Variants in NRG3 observed in about 807,000 individuals in gnomAD.
The protein encoded by NRG3 is pro-neuregulin-3, membrane-bound isoform.
In NRG3, 31 loss-of-function variants were observed where a neutral mutation model predicts 66.9. The ratio of observed to expected loss-of-function variants is 0.46; its 90% CI spans 0.35 to 0.63. The LOEUF is 0.63. Among genes scored for constraint, NRG3 ranks in the 20% least tolerant of loss-of-function variants. The pLI is 0.00. For missense variants in NRG3, 910 were observed against 878.9 expected, an observed-to-expected ratio of 1.04 and a Z score of -0.45; for synonymous variants, 393 against 359.4, an observed-to-expected ratio of 1.09 and a Z score of -1.06.
At chr10:82,266,830 A>G (rs1343510534) in intron 1 of NRG3, among the ~76,000 whole-genome samples, 1 of 152,202 alleles carries the variant, frequency 6.6e-6, no homozygotes, top group Non-Finnish European at 1.5e-5. Context: ...CAGTTTTGCT[A>G]AGCCATCTCA....
At position 82,973,172 on chromosome 10, in the gene NRG3, T is replaced by C. The variant is rs571888174; in HGVS notation, c.1285-616T>C. Among the ~76,000 whole-genome samples, 5 of 152,306 alleles carry C rather than the reference T, an allele frequency of 3.3e-5. No individual in the cohort carries two copies. The East Asian group carries it at 7.7e-4, about 24-fold the overall frequency. On this transcript the variant is annotated intron_variant, in intron 6 of 8. Transcript: ENST00000372141. ...GGGTAAAATTTTTCTGAAGTTGTCA[T>C]CTACATAAGCCTTCTTTAGGCTTCT...
chr10:82,818,186 G>A (rs1473336169), intron 3 of NRG3, among the ~76,000 whole-genome samples: 1 of 152,202 alleles, frequency 6.6e-6, no homozygotes, highest in Non-Finnish European at 1.5e-5. Flanking sequence ...GCCATGTGAA[G>A]GGGTGGTAAC....
intron 2 of NRG3, among the ~76,000 whole-genome samples, chr10:82,515,168 G>GT (rs1845537835): frequency 6.6e-6 from 1 of 152,074 alleles, no homozygotes; most frequent in South Asian, 2.1e-4. Context: ...ACTATATGAT[G>GT]TAAGTTTCCA....
At chr10:82,944,397 G>T (rs1024722260) in intron 4 of NRG3, among the ~76,000 whole-genome samples, 1 of 152,048 alleles carries the variant, frequency 6.6e-6, no homozygotes, top group African/African-American at 2.4e-5. Flanking sequence ...ATTATTATAC[G>T]CAAGTCATGC....
rs551546357 is a variant in NRG3 at position 82,871,360 on chromosome 10, G to A, written c.1054+5923G>A. ...TAAGTATTGAAGTAAAGTGGGGTCC[G>A]TCTTTCAACTTTGTCTTTTAATGTT... On this transcript the variant is annotated intron_variant, in intron 4 of 8. Transcript: ENST00000372141. Among the ~76,000 whole-genome samples, 13 of 151,602 alleles carry A rather than the reference G, an allele frequency of 8.6e-5. No homozygotes were observed. In the South Asian group the frequency reaches 1.0e-3, roughly 12 times the overall value.
intron 2 of NRG3, among the ~76,000 whole-genome samples, chr10:82,719,675 G>A (rs1233467474): frequency 6.6e-6 from 1 of 152,190 alleles, no homozygotes; most frequent in Non-Finnish European, 1.5e-5. Flanking sequence ...TTTAGTCTCT[G>A]TGACTCAGAC....
chr10:82,144,087 A>G (rs1315646817), intron 1 of NRG3, among the ~76,000 whole-genome samples: 1 of 151,822 alleles, frequency 6.6e-6, no homozygotes, highest in African/African-American at 2.4e-5. Context: ...ATTTACTTGG[A>G]AGCATTCTTG....
At chr10:82,182,075 A>ATT (rs200080280) in intron 1 of NRG3, among the ~76,000 whole-genome samples, 1 of 146,872 alleles carries the variant, frequency 6.8e-6, no homozygotes, top group Non-Finnish European at 1.5e-5. Flanking sequence ...ATCCTGCTCT[A>ATT]TTTTTTTTTC....
At chr10:82,401,501 GT>G (rs2087105314) in intron 2 of NRG3, among the ~76,000 whole-genome samples, 1 of 152,040 alleles carries the variant, frequency 6.6e-6, no homozygotes, top group African/African-American at 2.4e-5. Context: ...GGACAGCTTG[GT>G]ATTTTGAATG....
intron 1 of NRG3, among the ~76,000 whole-genome samples, chr10:81,919,300 A>C (rs1041066056): frequency 1.3e-5 from 2 of 152,172 alleles, no homozygotes; most frequent in African/African-American, 2.4e-5. Flanking sequence ...CAGCGCTGAA[A>C]ATCAGATGGA....
chr10:82,528,163 T>C (rs568288804), intron 2 of NRG3, among the ~76,000 whole-genome samples: 1 of 152,266 alleles, frequency 6.6e-6, no homozygotes, highest in African/African-American at 2.4e-5. Context: ...AAAAGGAGTC[T>C]TTAACAACTA....
At chr10:82,965,180 A>G (rs1006710548) in intron 6 of NRG3, among the ~76,000 whole-genome samples, 1 of 152,154 alleles carries the variant, frequency 6.6e-6, no homozygotes, top group Non-Finnish European at 1.5e-5. Context: ...CTCCTTATTC[A>G]CTGCTAACAG....
intron 1 of NRG3, among the ~76,000 whole-genome samples, chr10:81,976,056 C>T (rs890733961): frequency 6.6e-6 from 1 of 152,160 alleles, no homozygotes; most frequent in African/African-American, 2.4e-5. Flanking sequence ...CAATTAGACA[C>T]ATTTTAGATT....
intron 3 of NRG3, among the ~76,000 whole-genome samples, chr10:82,801,535 G>T (rs180826447): frequency 3.3e-5 from 5 of 152,250 alleles, no homozygotes; most frequent in Middle Eastern, 3.4e-3. Context: ...GAGAAGTAAG[G>T]GTTAATCATT....
At chr10:82,079,942 A>G (rs142234247) in intron 1 of NRG3, among the ~76,000 whole-genome samples, 163 of 152,322 alleles carry the variant, frequency 1.1e-3, no homozygotes, top group African/African-American at 3.8e-3. Flanking sequence ...TCAAGCTGCT[A>G]TAAATAAAGA....
chr10:82,347,697 A>G (rs1418952001), intron 1 of NRG3, among the ~76,000 whole-genome samples: 2 of 152,082 alleles, frequency 1.3e-5, no homozygotes, highest in African/African-American at 2.4e-5. Flanking sequence ...ATTGTGTGGG[A>G]GTCTAAGTCT....
intron 1 of NRG3, among the ~76,000 whole-genome samples, chr10:81,944,246 A>G (rs148037180): frequency 4.7e-4 from 72 of 152,376 alleles, no homozygotes; most frequent in African/African-American, 1.6e-3. Context: ...AGCTCATAAT[A>G]TACAAAGAGC....
At position 82,023,198 on chromosome 10, in the gene NRG3, G is replaced by C. The variant is rs563968366; in HGVS notation, c.823+147035G>C. 4.0e-5 allele frequency among the ~76,000 whole-genome samples: 6 copies of C among 151,572 alleles called. No individual in the cohort carries two copies. The East Asian group carries it at 1.2e-3, about 29-fold the overall frequency. ...GTGTATTGACCTGATACTGATTTTT[G>C]CATGTTGATTTTGCATCCTGCCATT... On this transcript the variant is annotated intron_variant, in intron 1 of 8. Transcript: ENST00000372141.
intron 1 of NRG3, among the ~76,000 whole-genome samples, chr10:82,154,033 G>A (rs564078841): frequency 7.9e-5 from 12 of 151,808 alleles, no homozygotes; most frequent in African/African-American, 1.9e-4. Context: ...CACTCACTTC[G>A]TTCTTAATTG....
Sources: gnomAD v4.1 joint callset for allele counts (sites outside exome capture counted in the v4.1 genomes callset) on GRCh38, gnomAD v4.1.1 for gene constraint, MANE v1.5 for transcripts, NCBI Gene and HGNC (gene_info 2026-07-23, HGNC 2026-07-21) for gene names.